TMEM267: variants seen among roughly 807,000 people sequenced by gnomAD.
The protein encoded by TMEM267 is transmembrane protein C5orf28.
TMEM267 carries 20 observed loss-of-function variants against 19.3 expected under a neutral mutation model. That is an observed-to-expected ratio of 1.04 (90% CI 0.73 to 1.51). The LOEUF (loss-of-function observed/expected upper bound fraction) is 1.51, where lower values mean the gene tolerates loss of function less well. Among genes scored for constraint, TMEM267 ranks in the 40% most tolerant of loss-of-function variants. The pLI is 0.00. For missense variants in TMEM267, 242 were observed against 261.9 expected, an observed-to-expected ratio of 0.92 and a Z score of 0.52; for synonymous variants, 88 against 90.3, an observed-to-expected ratio of 0.97 and a Z score of 0.15.
At chr5:43,461,472 C>A (rs988156672) in intron 1 of TMEM267, among the ~76,000 whole-genome samples, 1 of 152,142 alleles carries the variant, frequency 6.6e-6, no homozygotes, top group Non-Finnish European at 1.5e-5. Flanking sequence ...GGATAGAGCA[C>A]CAAGTGAGCT....
chr5:43,446,753 T>C (rs902683358), intron 2 of TMEM267, among the ~76,000 whole-genome samples, 196 bp from the exon 3 acceptor site: 5 of 152,110 alleles, frequency 3.3e-5, no homozygotes, highest in African/African-American at 1.2e-4. Context: ...GGATATCCTT[T>C]ACATTAAAAA....
At chr5:43,464,978 C>A (rs1430106127) in intron 1 of TMEM267, among the ~76,000 whole-genome samples, 1 of 152,182 alleles carries the variant, frequency 6.6e-6, no homozygotes, top group Admixed American at 6.5e-5. Context: ...AACTAAAGAG[C>A]TTCTGCACAG....
rs568339623 is a variant in TMEM267, at chr5:43,474,996, A to C, written c.-75+8826T>G. Among the ~76,000 whole-genome samples, 5 of 152,344 alleles carry C rather than the reference A, an allele frequency of 3.3e-5. No individual in the cohort carries two copies. The East Asian group carries it at 7.7e-4, about 23-fold the overall frequency. On this transcript the variant is annotated intron_variant, in intron 1 of 2. Transcript: ENST00000397080. ...ATTCCTCAAGGATCTAGAACTAGAAATACCATTTGATCCAGCAATCCCATT... is the reference window on the plus strand; with the variant it reads ...ATTCCTCAAGGATCTAGAACTAGAACTACCATTTGATCCAGCAATCCCATT...
intron 2 of TMEM267, among the ~76,000 whole-genome samples, chr5:43,448,515 G>A (rs952295995): frequency 7.9e-5 from 12 of 152,146 alleles, no homozygotes; most frequent in African/African-American, 2.9e-4. Context: ...AGTGGCTCAC[G>A]CCTCTAATCC....
intron 1 of TMEM267, among the ~76,000 whole-genome samples, chr5:43,459,926 A>G (rs896966948): frequency 1.3e-5 from 2 of 152,184 alleles, no homozygotes; most frequent in Admixed American, 6.5e-5. Context: ...TTATTATTAC[A>G]TTGTAATATA....
intron 1 of TMEM267, among the ~76,000 whole-genome samples, chr5:43,458,221 C>T (rs1743063071): frequency 6.6e-6 from 1 of 152,164 alleles, no homozygotes; most frequent in Admixed American, 6.5e-5. Flanking sequence ...CTGCCTCAGC[C>T]TCCTGAGTAG....
At chr5:43,468,952 A>T (rs187612855) in intron 1 of TMEM267, among the ~76,000 whole-genome samples, 1 of 152,344 alleles carries the variant, frequency 6.6e-6, no homozygotes, top group East Asian at 1.9e-4. Context: ...TGGAAATAAA[A>T]CAATATTCTC....
intron 1 of TMEM267, among the ~76,000 whole-genome samples, chr5:43,478,871 A>G (rs1427903690): frequency 6.6e-6 from 1 of 152,162 alleles, no homozygotes; most frequent in African/African-American, 2.4e-5. Context: ...TAGTAGGAGT[A>G]GGGAAATAAT....
chr5:43,456,612 C>T (rs1266973892), intron 1 of TMEM267, among the ~76,000 whole-genome samples: 5 of 152,084 alleles, frequency 3.3e-5, no homozygotes, highest in Non-Finnish European at 5.9e-5. Flanking sequence ...AAATGGGTAC[C>T]TACCATTGAT....
At chr5:43,476,187 A>C (rs1182710303) in intron 1 of TMEM267, 4 of 152,174 alleles carry the variant, frequency 2.6e-5, no homozygotes, top group Admixed American at 2.0e-4. Context: ...ACTTCTCCAA[A>C]TCCTGGGCCC....
At chr5:43,483,698 C>T (rs867358428) in intron 1 of TMEM267, 124 bp downstream of exon 1, 1 of 152,362 alleles carries the variant, frequency 6.6e-6, no homozygotes, top group Non-Finnish European at 1.5e-5. Flanking sequence ...CGACCCGCAA[C>T]CGGACCCTCC....
intron 2 of TMEM267, among the ~76,000 whole-genome samples, chr5:43,449,597 C>T (rs867283489): frequency 2.0e-5 from 3 of 152,306 alleles, no homozygotes; most frequent in Admixed American, 6.5e-5. Flanking sequence ...AAGCCCTCCA[C>T]GCAAAAGATA....
chr5:43,469,970 C>T (rs893182616), intron 1 of TMEM267, among the ~76,000 whole-genome samples: 2 of 152,106 alleles, frequency 1.3e-5, no homozygotes, highest in African/African-American at 4.8e-5. Context: ...GCTTCCTTTG[C>T]CCTATTTATG....
intron 1 of TMEM267, among the ~76,000 whole-genome samples, chr5:43,462,768 G>A (rs749846610): frequency 3.0e-4 from 45 of 152,022 alleles, no homozygotes; most frequent in Non-Finnish European, 6.0e-4. Context: ...AAAAAACAAT[G>A]AAGCACACAT....
At chr5:43,468,596 A>T (rs1213706952) in intron 1 of TMEM267, among the ~76,000 whole-genome samples, 1 of 152,208 alleles carries the variant, frequency 6.6e-6, no homozygotes, top group Non-Finnish European at 1.5e-5. Flanking sequence ...CACCTTGGGC[A>T]CATGTCATCA....
chr5:43,479,061 T>C (rs1744600935), intron 1 of TMEM267, among the ~76,000 whole-genome samples: 1 of 152,058 alleles, frequency 6.6e-6, no homozygotes, highest in South Asian at 2.1e-4. Context: ...ATATTCAGCA[T>C]AGCATTGTTT....
At chr5:43,466,655 T>C (rs1009614499) in intron 1 of TMEM267, among the ~76,000 whole-genome samples, 1 of 152,332 alleles carries the variant, frequency 6.6e-6, no homozygotes, top group South Asian at 2.1e-4. Context: ...TTTTATCAGT[T>C]TTCTTTTTGC....
chr5:43,448,690 C>T (rs1178651953), intron 2 of TMEM267, among the ~76,000 whole-genome samples: 2 of 151,792 alleles, frequency 1.3e-5, no homozygotes, highest in Admixed American at 6.6e-5. Flanking sequence ...GTAGGAGAAT[C>T]GCTTGAACCT....
At chr5:43,458,683 C>T (rs1481577553) in intron 1 of TMEM267, among the ~76,000 whole-genome samples, 3 of 152,038 alleles carry the variant, frequency 2.0e-5, no homozygotes, top group Non-Finnish European at 4.4e-5. Flanking sequence ...GTCAATTATA[C>T]TCCAACAAAG....
Sources: allele counts gnomAD v4.1 joint callset (sites outside exome capture counted in the v4.1 genomes callset), GRCh38; gene constraint gnomAD v4.1.1; transcripts MANE v1.5; gene names NCBI Gene and HGNC (gene_info 2026-07-23, HGNC 2026-07-21).